The following SORCS3 variants were observed in gnomAD, a reference collection of about 807,000 sequenced individuals.
SORCS3 encodes the protein VPS10 domain-containing receptor SorCS3.
In SORCS3, 57 loss-of-function variants were observed where a neutral mutation model predicts 146.3. The ratio of observed to expected loss-of-function variants is 0.39; its 90% confidence interval spans 0.31 to 0.49. The LOEUF (loss-of-function observed/expected upper bound fraction) is 0.49. Among genes scored for constraint, SORCS3 ranks in the 20% least tolerant of loss-of-function variants. The pLI is 0.92. For missense variants in SORCS3, 1,341 were observed against 1,575.5 expected (o/e 0.85, Z 2.52); for synonymous variants, 653 against 618.5 (o/e 1.06, Z -0.83).
chr10:104,827,878 T>C (rs1229883194), intron 1 of SORCS3, among the ~76,000 whole-genome samples: 11 of 152,238 alleles, frequency 7.2e-5, no homozygotes, highest in Non-Finnish European at 1.3e-4. Flanking sequence ...TTGTATGTTA[T>C]GGACATCCCT....
At chr10:105,151,044 A>T (rs1456436537) in intron 9 of SORCS3, among the ~76,000 whole-genome samples, 1 of 152,212 alleles carries the variant, frequency 6.6e-6, no homozygotes, top group Non-Finnish European at 1.5e-5. Flanking sequence ...GGACTGGTGC[A>T]TGAGATTCAT....
chr10:105,013,939 G>T, intron 4 of SORCS3, among the ~76,000 whole-genome samples: 1 of 150,312 alleles, frequency 6.7e-6, no homozygotes, highest in East Asian at 2.0e-4. Flanking sequence ...AGAAGTTATT[G>T]TTCTGTACTT....
chr10:104,774,174 A>G (rs1165205090), intron 1 of SORCS3, among the ~76,000 whole-genome samples: 2 of 152,204 alleles, frequency 1.3e-5, no homozygotes, highest in African/African-American at 4.8e-5. Context: ...GTTTACTTGC[A>G]GTCATCACCC....
At chr10:105,192,443 G>T (rs2056522018) in intron 14 of SORCS3, among the ~76,000 whole-genome samples, 1 of 152,068 alleles carries the variant, frequency 6.6e-6, no homozygotes, top group Non-Finnish European at 1.5e-5. Context: ...GTAACAGAAA[G>T]AAGAAACTCA....
At position 104,903,479 on chromosome 10, in the gene SORCS3, T is replaced by G. The variant is rs144433761; in HGVS notation, c.696-12354T>G. ...AAAGATAACAGAAGAGCACGGTAGA[T>G]GAGAGGGCTTTACACAGGAGCCTGG... On this transcript the variant is annotated intron_variant, in intron 2 of 26. Transcript: ENST00000369701. Among the ~76,000 whole-genome samples, 1,320 of 152,170 alleles carry G rather than the reference T, an allele frequency of 8.7e-3. 19 individuals are homozygous for G. Among genetic ancestry groups the G allele is most frequent in the African/African-American group, 0.03 (1,252 of 41,526 alleles).
intron 1 of SORCS3, among the ~76,000 whole-genome samples, chr10:104,816,720 G>A (rs1490175): frequency 0.37 from 55,789 of 152,032 alleles, 11,055 homozygotes; most frequent in East Asian, 0.65. Flanking sequence ...GGAGGTCCCA[G>A]CTCTGCTGCT....
intron 4 of SORCS3, among the ~76,000 whole-genome samples, chr10:105,034,313 A>G (rs149329451): frequency 2.6e-5 from 4 of 152,218 alleles, no homozygotes; most frequent in Admixed American, 6.5e-5. Flanking sequence ...GGTGTTCTAG[A>G]TAGAGGGAGT....
chr10:105,150,629 T>C (rs2056161657), intron 9 of SORCS3, among the ~76,000 whole-genome samples: 1 of 152,166 alleles, frequency 6.6e-6, no homozygotes, highest in African/African-American at 2.4e-5. Flanking sequence ...GTGGAATAAA[T>C]GCTTGTCAGG....
intron 3 of SORCS3, among the ~76,000 whole-genome samples, chr10:104,957,585 A>T (rs1263582445): frequency 6.6e-6 from 1 of 152,028 alleles, no homozygotes; most frequent in Non-Finnish European, 1.5e-5. Flanking sequence ...ACACACTCAG[A>T]CCTGTCACTG....
At chr10:105,105,658 T>A in intron 7 of SORCS3, 143 bp downstream of exon 7, 1 of 678,720 alleles carries the variant, frequency 1.5e-6, no homozygotes, top group Non-Finnish European at 2.7e-6. Flanking sequence ...GACCCAGTCC[T>A]CTGGGGAGAG....
chr10:105,026,508 C>G (rs373326173), intron 4 of SORCS3, among the ~76,000 whole-genome samples: 1 of 152,146 alleles, frequency 6.6e-6, no homozygotes, highest in African/African-American at 2.4e-5. Flanking sequence ...ATTGTTCTAC[C>G]AAAAGGACAC....
At chr10:104,781,575 A>G (rs527518508) in intron 1 of SORCS3, among the ~76,000 whole-genome samples, 2 of 152,348 alleles carry the variant, frequency 1.3e-5, no homozygotes, top group South Asian at 4.1e-4. Flanking sequence ...AACACACACA[A>G]ATATGTGTAC....
chr10:105,004,784 G>A (rs976417133), intron 4 of SORCS3, among the ~76,000 whole-genome samples: 10 of 139,618 alleles, frequency 7.2e-5, no homozygotes, highest in African/African-American at 2.6e-4. Flanking sequence ...AGCTGTGTGT[G>A]AATGTGAGGT....
chr10:105,215,423 C>G (rs1274559992), intron 18 of SORCS3, among the ~76,000 whole-genome samples: 1 of 152,070 alleles, frequency 6.6e-6, no homozygotes, highest in East Asian at 1.9e-4. Flanking sequence ...TTTTTTTTCA[C>G]AAGTATGAGC....
intron 2 of SORCS3, among the ~76,000 whole-genome samples, chr10:104,914,437 C>T (rs1341386210): frequency 6.6e-6 from 1 of 152,064 alleles, no homozygotes; most frequent in African/African-American, 2.4e-5. Flanking sequence ...TGGGTGTTTA[C>T]ACTGGGCCCA....
At chr10:104,905,795 C>T (rs997623536) in intron 2 of SORCS3, among the ~76,000 whole-genome samples, 7 of 152,112 alleles carry the variant, frequency 4.6e-5, no homozygotes, top group Non-Finnish European at 8.8e-5. Context: ...TGAGAGGCTC[C>T]GTCGGGGAGG....
intron 4 of SORCS3, among the ~76,000 whole-genome samples, chr10:104,997,897 G>C (rs1234829169): frequency 6.6e-6 from 1 of 152,124 alleles, no homozygotes; most frequent in Non-Finnish European, 1.5e-5. Flanking sequence ...GTAATGAACT[G>C]TTAATCACAT....
chr10:104,906,069 G>A (rs1022077761), intron 2 of SORCS3, among the ~76,000 whole-genome samples: 4 of 152,164 alleles, frequency 2.6e-5, no homozygotes, highest in African/African-American at 9.7e-5. Context: ...GGAGGTTTCT[G>A]GATGTGCCCA....
chr10:105,262,097 G>A (rs1306685037), intron 25 of SORCS3, among the ~76,000 whole-genome samples: 1 of 152,106 alleles, frequency 6.6e-6, no homozygotes, highest in Non-Finnish European at 1.5e-5. Flanking sequence ...ACAGGAAAAG[G>A]TGCATTCCTC....
Sources: allele counts gnomAD v4.1 joint callset (sites outside exome capture counted in the v4.1 genomes callset), GRCh38; gene constraint gnomAD v4.1.1; transcripts MANE v1.5; gene names NCBI Gene and HGNC (gene_info 2026-07-23, HGNC 2026-07-21).